Variants in XPR1 observed in about 807,000 individuals in gnomAD.
XPR1 encodes solute carrier family 53 member 1.
In XPR1, 28 loss-of-function variants were observed where a neutral mutation model predicts 87.5. That is an observed-to-expected ratio of 0.32 (90% CI 0.24 to 0.44). XPR1 has a LOEUF of 0.44. Ranked by LOEUF, XPR1 falls within the 20% of genes least tolerant of loss-of-function variation. The probability of loss-of-function intolerance (pLI) is 1.00; values close to 1 mark genes in which losing one functional copy is unlikely to be tolerated. For synonymous variants in XPR1, 300 were observed against 306.1 expected, an observed-to-expected ratio of 0.98 and a Z score of 0.21; for missense variants, 559 against 862.3, an observed-to-expected ratio of 0.65 and a Z score of 4.41.
chr1:180,648,626 C>A (rs1655196088), intron 1 of XPR1, among the ~76,000 whole-genome samples: 1 of 152,278 alleles, frequency 6.6e-6, no homozygotes, highest in Admixed American at 6.5e-5. Flanking sequence ...CCTGCCTCAG[C>A]CTCCTGAGTA....
chr1:180,707,834 G>A (rs1247832951), intron 2 of XPR1, among the ~76,000 whole-genome samples: 3 of 152,068 alleles, frequency 2.0e-5, no homozygotes, highest in Non-Finnish European at 4.4e-5. Flanking sequence ...CCTGATTATG[G>A]TTGTGGAGAT....
chr1:180,695,474 C>T (rs1444037827), intron 2 of XPR1, among the ~76,000 whole-genome samples: 3 of 151,472 alleles, frequency 2.0e-5, no homozygotes, highest in Non-Finnish European at 4.4e-5. Context: ...TTGTTGCCTG[C>T]GCTTTTGAAG....
chr1:180,685,619 A>C (rs1199775176), intron 2 of XPR1, among the ~76,000 whole-genome samples: 1 of 151,908 alleles, frequency 6.6e-6, no homozygotes, highest in Non-Finnish European at 1.5e-5. Flanking sequence ...CTGGTCCTGG[A>C]CTTTTTTTGG....
intron 1 of XPR1, among the ~76,000 whole-genome samples, chr1:180,661,804 G>C (rs1655789690): frequency 6.6e-6 from 1 of 152,082 alleles, no homozygotes. Context: ...GAACCCAGGA[G>C]GTGGAAGTTG....
intron 11 of XPR1, among the ~76,000 whole-genome samples, chr1:180,839,187 T>C (rs1257312220): frequency 6.6e-6 from 1 of 152,224 alleles, no homozygotes; most frequent in Non-Finnish European, 1.5e-5. Flanking sequence ...AAAAATTGTA[T>C]AGTGATCTGT....
rs538993150 is a variant in XPR1, at chr1:180,739,688, G to A, written c.122-48065G>A. Among the ~76,000 whole-genome samples the A allele has an allele frequency of 2.0e-5, 3 of 152,222 alleles. No individual in the cohort carries two copies. In the South Asian group the frequency reaches 6.2e-4, roughly 32 times the overall value. Reference sequence around the variant, plus strand: ...ATTATTTCCTTTTAAAAAATCTGTTGTAAATGGTATGTTGTTTAATTTCCC... The same window carrying A: ...ATTATTTCCTTTTAAAAAATCTGTTATAAATGGTATGTTGTTTAATTTCCC... On this transcript the variant is annotated intron_variant, in intron 2 of 14. Transcript: ENST00000367590.
chr1:180,652,129 T>C (rs533897783), intron 1 of XPR1, among the ~76,000 whole-genome samples: 191 of 152,196 alleles, frequency 1.3e-3, no homozygotes, highest in African/African-American at 4.4e-3. Flanking sequence ...CTGTCTCTAC[T>C]AAAAATACAA....
chr1:180,670,000 T>C (rs1175652818), intron 1 of XPR1, among the ~76,000 whole-genome samples: 1 of 152,216 alleles, frequency 6.6e-6, no homozygotes, highest in Non-Finnish European at 1.5e-5. Context: ...TTTCTTGCTG[T>C]ATTGAACCTT....
At chr1:180,796,283 G>C (rs1649571428) in intron 3 of XPR1, among the ~76,000 whole-genome samples, 1 of 151,998 alleles carries the variant, frequency 6.6e-6, no homozygotes, top group African/African-American at 2.4e-5. Flanking sequence ...TGGGATACTT[G>C]GTGTCAAAAG....
rs139402468 is a variant in XPR1 at position 180,824,092 on chromosome 1, A to G, written c.764-661A>G. 1.2e-4 allele frequency among the ~76,000 whole-genome samples: 19 copies of G among 152,340 alleles called. No individual in the cohort carries two copies. The East Asian group carries it at 3.7e-3, about 29-fold the overall frequency. On this transcript the variant is annotated intron_variant, in intron 7 of 14. Coordinates refer to ENST00000367590, the MANE Select transcript of XPR1 (RefSeq NM_004736.4). ...AATGAAGCCAAAGAGAGGTTTTGTC[A>G]TGCCGGATCCCCAAATGACAGAACT...
intron 1 of XPR1, among the ~76,000 whole-genome samples, chr1:180,681,771 G>A (rs1179949383): frequency 4.6e-5 from 7 of 152,136 alleles, no homozygotes; most frequent in South Asian, 4.2e-4. Flanking sequence ...GGGTTCAAGC[G>A]ATCCTCCCAC....
At chr1:180,790,517 C>T (rs966704713) in intron 3 of XPR1, among the ~76,000 whole-genome samples, 1 of 152,136 alleles carries the variant, frequency 6.6e-6, no homozygotes, top group Admixed American at 6.5e-5. Flanking sequence ...AGGATACAGG[C>T]ACCTAGAAGA....
rs1348400512 is a variant in XPR1 at position 180,806,688 on chromosome 1, G to A, written c.681+131G>A. On this transcript the variant is annotated intron_variant, in intron 6 of 14. Transcript: ENST00000367590. Reference sequence around the variant, plus strand: ...AGTAGTTGCTATTTTTCTTATTTTAGTTTTTTAAACATTATATGCTATATT... The same window carrying A: ...AGTAGTTGCTATTTTTCTTATTTTAATTTTTTAAACATTATATGCTATATT... 6.0e-6 allele frequency: 4 copies of A among 668,458 alleles called. No homozygotes were observed. The Admixed American group carries it at 1.2e-4, about 19-fold the overall frequency. The allele number at this position is 668,458 out of a possible 1,614,324, so 41.4% of individuals were successfully genotyped here. A position where few individuals can be genotyped will look rare whatever the true frequency, so the allele number is the denominator to read the frequency against.
chr1:180,861,860 T>C (rs1652231279), intron 11 of XPR1, among the ~76,000 whole-genome samples: 1 of 152,076 alleles, frequency 6.6e-6, no homozygotes, highest in Non-Finnish European at 1.5e-5. Flanking sequence ...AATTTCAAGC[T>C]ACTAAGATGA....
intron 11 of XPR1, among the ~76,000 whole-genome samples, chr1:180,856,868 C>G (rs74571655): frequency 1.8e-4 from 27 of 152,182 alleles, no homozygotes; most frequent in South Asian, 6.2e-4. Flanking sequence ...CCAAAGATAC[C>G]TAGAGCTGCA....
chr1:180,791,628 ATGTT>A (rs1312886054), intron 3 of XPR1, among the ~76,000 whole-genome samples: 1 of 152,168 alleles, frequency 6.6e-6, no homozygotes, highest in Non-Finnish European at 1.5e-5. Flanking sequence ...ATACAGATAA[ATGTT>A]TGTTTTATAT....
intron 2 of XPR1, among the ~76,000 whole-genome samples, chr1:180,706,704 C>T (rs550013971): frequency 5.3e-5 from 8 of 152,128 alleles, no homozygotes; most frequent in South Asian, 2.1e-4. Flanking sequence ...CTCCGCCTTC[C>T]GAGTTCAAGC....
At chr1:180,653,456 T>C (rs1655356007) in intron 1 of XPR1, among the ~76,000 whole-genome samples, 2 of 152,214 alleles carry the variant, frequency 1.3e-5, no homozygotes, top group Non-Finnish European at 2.9e-5. Context: ...GGCTATTCTG[T>C]TGTCTTTCTC....
At chr1:180,746,341 AGCTTC>A (rs1647251607) in intron 2 of XPR1, among the ~76,000 whole-genome samples, 1 of 152,182 alleles carries the variant, frequency 6.6e-6, no homozygotes, top group Admixed American at 6.5e-5. Context: ...CCCATAGCTT[AGCTTC>A]CACTTACAAG....
Sources: allele counts gnomAD v4.1 joint callset (sites outside exome capture counted in the v4.1 genomes callset), GRCh38; gene constraint gnomAD v4.1.1; transcripts MANE v1.5; gene names NCBI Gene and HGNC (gene_info 2026-07-23, HGNC 2026-07-21).